Variants in AGAP6 observed in about 807,000 individuals in gnomAD.
The protein encoded by AGAP6 is ArfGAP with GTPase domain, ankyrin repeat and PH domain 6.
Under a neutral mutation model 63.9 loss-of-function variants are expected in AGAP6, and 29 were observed. The ratio of observed to expected loss-of-function variants is 0.45; its 90% CI spans 0.34 to 0.62. The LOEUF (loss-of-function observed/expected upper bound fraction) is 0.62. Among genes scored for constraint, AGAP6 ranks in the 20% least tolerant of loss-of-function variants. The pLI is 0.01. For missense variants in AGAP6, 493 were observed against 884.9 expected, an observed-to-expected ratio of 0.56 and a Z score of 5.62; for synonymous variants, 199 against 332.9, an observed-to-expected ratio of 0.60 and a Z score of 4.38.
Position 50,009,664 on chromosome 10 carries a change from T to A in AGAP6, c.1539T>A (p.Leu513=). 6.2e-7 allele frequency: 1 copy of A among 1,614,218 alleles called. No homozygotes were observed. The highest frequency in any genetic ancestry group is 8.5e-7 in the Non-Finnish European group (1 of 1,180,032). The stretch of plus-strand genomic sequence containing the variant: ...TCCACCGCAGTCTTGGCCCCCACCT[T>A]TCCCGTGTGCGATCTCTGGAGCTGG... ...SGIHRSLGPH[L]SRVRSLELDD... is the part of the protein sequence containing the mutation. The change falls in exon 8 of 8, where the codon CTT becomes CTA. Residue 513 remains leucine, a synonymous_variant. Transcript: ENST00000412531.
chr10:49,998,925 A>T lies in AGAP6; in HGVS notation c.397-3071A>T, dbSNP rs1841594534. Among the ~76,000 whole-genome samples the T allele has an allele frequency of 2.1e-5, 3 of 140,816 alleles. 1 individual carries two copies. Among genetic ancestry groups the T allele is most frequent in the Non-Finnish European group, 4.5e-5 (3 of 66,318 alleles). 92.4% of individuals were successfully genotyped at this position (140,816 alleles called of 152,430 possible). On this transcript the variant is annotated intron_variant, in intron 4 of 7. Coordinates refer to ENST00000412531, the MANE Select transcript of AGAP6 (RefSeq NM_001077665.3). ...GTAGTTCCCAACGGCATATCAAAAAATAATCCGGCCAGGCACGGTGGCTCA... is the reference window on the plus strand; with the variant it reads ...GTAGTTCCCAACGGCATATCAAAAATTAATCCGGCCAGGCACGGTGGCTCA...
chr10:49,997,915 A>G (rs1841555198), intron 4 of AGAP6, among the ~76,000 whole-genome samples: 1 of 131,072 alleles, frequency 7.6e-6, no homozygotes, highest in African/African-American at 2.8e-5. Context: ...TTCACTTAGA[A>G]TAATAGTCTT....
At position 50,009,296 on chromosome 10, in the gene AGAP6, C is replaced by G; in HGVS notation, c.1171C>G (p.Pro391Ala). ...ISSTTSPKLN[P>A]PPSPHANKKK... ...CAGCACCACCAGCCCCAAGCTCAACCCGCCCCCCTCTCCTCATGCTAATAA... is the reference window on the plus strand; with the variant it reads ...CAGCACCACCAGCCCCAAGCTCAACGCGCCCCCCTCTCCTCATGCTAATAA... The change falls in exon 8 of 8, where the codon CCG (proline) becomes GCG (alanine). Residue 391 changes from proline to alanine, a missense_variant. Pro to Ala is a conservative substitution (Grantham distance 27). This residue lies in a region of AGAP6 where 342 missense variants were observed against 533.4 expected (regional missense o/e 0.64). Transcript: ENST00000412531. 6.2e-7 allele frequency: 1 copy of G among 1,614,168 alleles called. No individual in the cohort carries two copies. Among genetic ancestry groups the G allele is most frequent in the Admixed American group, 1.7e-5 (1 of 60,020 alleles).
chr10:49,995,115 AT>A (rs1429954822), intron 4 of AGAP6, among the ~76,000 whole-genome samples: 1 of 152,104 alleles, frequency 6.6e-6, no homozygotes, highest in Non-Finnish European at 1.5e-5. Context: ...CCATGATCTT[AT>A]GTTTCTCCCT....
chr10:49,989,178 C>T, intron 1 of AGAP6, 130 bp from the exon 2 acceptor site: 1 of 1,467,826 alleles, frequency 6.8e-7, no homozygotes, highest in South Asian at 1.3e-5. Context: ...GCTCTCTCAT[C>T]TCATTCTCCC....
At position 50,006,901 on chromosome 10, in the gene AGAP6, G is replaced by T. The variant is rs1482427348; in HGVS notation, c.534-1124G>T. Among the ~76,000 whole-genome samples the T allele has an allele frequency of 3.3e-5, 5 of 152,206 alleles. No individual in the cohort carries two copies. In the East Asian group the frequency reaches 5.8e-4, roughly 18 times the overall value. On this transcript the variant is annotated intron_variant, in intron 6 of 7. Transcript: ENST00000412531. ...CAGGCTATGTTTTTTACCTGTAGGG[G>T]ACAGTGAAGAATAGAATGACTACTA...
rs543759750 is a variant in AGAP6 at position 49,999,164 on chromosome 10, G to A, written c.397-2832G>A. On this transcript the variant is annotated intron_variant, in intron 4 of 7. Coordinates refer to ENST00000412531, the MANE Select transcript of AGAP6 (RefSeq NM_001077665.3). ...GAGGCAGGAGAATCGCTTGAACCTC[G>A]GAGGCAGAGGTTGCAGTGAGCCAAG... Among the ~76,000 whole-genome samples the A allele has an allele frequency of 4.5e-3, 619 of 136,758 alleles. 80 individuals are homozygous for A. The highest frequency in any genetic ancestry group is 0.017 in the African/African-American group (584 of 35,294). The allele number at this position is 136,758 out of a possible 152,430, so 89.7% of individuals were successfully genotyped here.
At chr10:50,002,930 ACT>A (rs1281441934) in intron 5 of AGAP6, among the ~76,000 whole-genome samples, 3 of 146,804 alleles carry the variant, frequency 2.0e-5, no homozygotes, top group African/African-American at 7.5e-5. Context: ...CTGGACTCAA[ACT>A]CTGTCTCAAG....
chr10:49,993,424 C>T lies in AGAP6; in HGVS notation c.362-971C>T, dbSNP rs536430280. On this transcript the variant is annotated intron_variant, in intron 3 of 7. Transcript: ENST00000412531. Reference sequence around the variant, plus strand: ...GAAGCAAAGCATGGCCCAAGTCCCTCTTGGGGCTTTTATTATTCTGGCCTC... The same window carrying T: ...GAAGCAAAGCATGGCCCAAGTCCCTTTTGGGGCTTTTATTATTCTGGCCTC... Among the ~76,000 whole-genome samples the T allele has an allele frequency of 1.7e-3, 259 of 152,074 alleles. 3 individuals carry two copies. The highest frequency in any genetic ancestry group is 6.0e-3 in the African/African-American group (249 of 41,506).
intron 6 of AGAP6, among the ~76,000 whole-genome samples, chr10:50,006,861 C>T (rs1416935037): frequency 2.7e-5 from 4 of 149,334 alleles, no homozygotes; most frequent in Non-Finnish European, 6.0e-5. Flanking sequence ...TCATCAAAGA[C>T]GTTCTTACGA....
At chr10:49,991,332 A>G (rs1841265142) in intron 2 of AGAP6, among the ~76,000 whole-genome samples, 1 of 145,558 alleles carries the variant, frequency 6.9e-6, no homozygotes. Context: ...ATCTTGATTT[A>G]TTTTATGCAA....
rs569967448 is a variant in AGAP6, at chr10:49,999,740, T to C, written c.397-2256T>C. On this transcript the variant is annotated intron_variant, in intron 4 of 7. Transcript: ENST00000412531. ...CCTAAAGACTCCTCCAAAAAGCTCC[T>C]AGAACCGATAAATGAATTCAGCAAA... is the stretch of plus-strand genomic sequence containing the variant. 3.3e-3 allele frequency among the ~76,000 whole-genome samples: 437 copies of C among 132,638 alleles called. 35 individuals carry two copies. The highest frequency in any genetic ancestry group is 5.1e-3 in the Non-Finnish European group (327 of 63,986). 87.0% of individuals were successfully genotyped at this position (132,638 alleles called of 152,430 possible).
At chr10:49,997,550 T>A (rs1841536327) in intron 4 of AGAP6, among the ~76,000 whole-genome samples, 1 of 152,192 alleles carries the variant, frequency 6.6e-6, no homozygotes, top group African/African-American at 2.4e-5. Flanking sequence ...AAATTTGTCC[T>A]GCCCAAAAGG....
chr10:49,997,413 A>G (rs4043252), intron 4 of AGAP6, among the ~76,000 whole-genome samples: 15 of 152,228 alleles, frequency 9.9e-5, no homozygotes, highest in African/African-American at 3.4e-4. Context: ...GCAGAGGATC[A>G]CTTGAGCTCA....
chr10:49,990,377 G>C (rs1554860593), intron 2 of AGAP6, among the ~76,000 whole-genome samples: 2 of 152,210 alleles, frequency 1.3e-5, no homozygotes, highest in African/African-American at 4.8e-5. Context: ...CCTGGGAGGT[G>C]GAGGTTGCAG....
intron 1 of AGAP6, among the ~76,000 whole-genome samples, 163 bp from the exon 2 acceptor site, chr10:49,989,145 C>G (rs1395604295): frequency 6.6e-6 from 1 of 151,604 alleles, no homozygotes; most frequent in Non-Finnish European, 1.5e-5. Flanking sequence ...CTTTTCGCCT[C>G]CCCTCCCAAT....
intron 3 of AGAP6, among the ~76,000 whole-genome samples, chr10:49,992,069 T>C (rs1554861141): frequency 6.6e-6 from 1 of 151,632 alleles, no homozygotes; most frequent in African/African-American, 2.4e-5. Context: ...TATAATCCCT[T>C]TTCCCTTGCT....
chr10:49,993,028 C>CT (rs1554861339), intron 3 of AGAP6, among the ~76,000 whole-genome samples: 1 of 152,174 alleles, frequency 6.6e-6, no homozygotes, highest in African/African-American at 2.4e-5. Context: ...TCCCAAAGTG[C>CT]TGGGATTACA....
chr10:49,990,897 G>A (rs1554860739), intron 2 of AGAP6, among the ~76,000 whole-genome samples: 1 of 151,986 alleles, frequency 6.6e-6, no homozygotes. Context: ...TTAATTGATT[G>A]TACCTTTATA....
Sources: allele counts gnomAD v4.1 joint callset (sites outside exome capture counted in the v4.1 genomes callset), GRCh38; gene constraint gnomAD v4.1.1; regional missense constraint gnomAD v4.1.1; transcripts MANE v1.5; gene names NCBI Gene and HGNC (gene_info 2026-07-23, HGNC 2026-07-21).